CDAN1: variants seen among roughly 807,000 people sequenced by gnomAD.
CDAN1 encodes codanin 1, also known as codanin-1.
A neutral mutation model predicts 139.8 loss-of-function variants in CDAN1; 107 were observed. The observed-to-expected ratio is 0.77, with a 90% CI of 0.65 to 0.90. The LOEUF (loss-of-function observed/expected upper bound fraction) is 0.90. Among genes scored for constraint, CDAN1 ranks in the 40% least tolerant of loss-of-function variants. The pLI, the probability that CDAN1 is intolerant of heterozygous loss-of-function variation, is 0.00. For missense variants in CDAN1, 1,667 were observed against 1,575.7 expected (o/e 1.06, Z -0.98); for synonymous variants, 776 against 660.6 (o/e 1.17, Z -2.68).
At chr15:42,731,394 G>A in intron 11 of CDAN1, 63 bp from the exon 12 acceptor site, 1 of 1,606,598 alleles carries the variant, frequency 6.2e-7, no homozygotes, top group South Asian at 1.1e-5. Flanking sequence ...CCAGAATCGA[G>A]AAGGGGCACT....
chr15:42,725,272 AG>A (rs1375165812), intron 26 of CDAN1, 21 bp from the exon 27 acceptor site: 2 of 1,607,858 alleles, frequency 1.2e-6, no homozygotes. Context: ...CACCGAGGTC[AG>A]GGTTGCTAGG....
chr15:42,736,435 G>A lies in CDAN1; in HGVS notation c.436C>T (p.Pro146Ser), dbSNP rs748485724. ...LEEGVSGESL[P>S]GAGGRRLRGS... Reference sequence around the variant, plus strand: ...CTAAGCCTCCGGCCCCCGGCTCCGGGCAGGCTCTCCCCGCTGACCCCCTCC... The same window carrying A: ...CTAAGCCTCCGGCCCCCGGCTCCGGACAGGCTCTCCCCGCTGACCCCCTCC... The change falls in exon 2 of 28, where the codon CCC becomes TCC. Residue 146 changes from proline (P) to serine (S), a missense_variant. Pro to Ser is a moderately conservative substitution (Grantham distance 74). Transcript: ENST00000356231. 2 of 1,594,868 alleles carry A rather than the reference G, an allele frequency of 1.3e-6. No homozygotes were observed. Among genetic ancestry groups the A allele is most frequent in the Admixed American group, 1.7e-5 (1 of 58,082 alleles).
intron 14 of CDAN1, 110 bp downstream of exon 14, chr15:42,730,488 G>T: frequency 7.7e-7 from 1 of 1,306,808 alleles, no homozygotes. Context: ...GTTATGGCCA[G>T]GGCCCCACAC....
rs62020666 is a variant in CDAN1 at position 42,734,427 on chromosome 15, T to A, written c.1137-81A>T. ...GCAAGCACCTGCACACCACAGAGGA[T>A]CTCTAAGGCATGGCGCAGGTATGCA... On this transcript the variant is annotated intron_variant, in intron 6 of 27. Transcript: ENST00000356231. 134,593 of 1,569,128 alleles carry A rather than the reference T, an allele frequency of 0.086. 6,698 individuals carry two copies. The highest frequency in any genetic ancestry group is 0.1 in the Middle Eastern group (583 of 5,756).
Position 42,737,027 on chromosome 15 carries a change from T to G in CDAN1, c.76A>C (p.Thr26Pro), listed in dbSNP as rs1185226385. The G allele has an allele frequency of 6.5e-7, 1 of 1,546,398 alleles. No individual in the cohort carries two copies. Among genetic ancestry groups the G allele is most frequent in the Non-Finnish European group, 8.7e-7 (1 of 1,144,438 alleles). ...ACCGCTGTTACCTCCGAACCCTGGG[T>G]GCTGCGCGCGATCCACCGCACGACG... ...AAVVRWIARS[T>P]QGSEDNAGEA... The change falls in exon 1 of 28, where the codon ACC becomes CCC. Residue 26 changes from threonine (T) to proline (P), a missense_variant. This residue lies in a region of CDAN1 where 487 missense variants were observed against 422.2 expected (regional missense o/e 1.15). Coordinates refer to ENST00000356231, the MANE Select transcript of CDAN1 (RefSeq NM_138477.4).
chr15:42,729,939 C>T (rs2061586928), intron 15 of CDAN1, 54 bp from the exon 16 acceptor site: 4 of 1,380,528 alleles, frequency 2.9e-6, no homozygotes, highest in Non-Finnish European at 4.0e-6. Context: ...CCCAACCCAC[C>T]CCACCTCCTG....
intron 2 of CDAN1, 40 bp downstream of exon 2, chr15:42,736,262 C>G (rs1307407585): frequency 1.9e-6 from 3 of 1,611,928 alleles, no homozygotes; most frequent in Non-Finnish European, 2.5e-6. Context: ...TCCCCAGAGC[C>G]TTCGTGGTAC....
At chr15:42,725,122 T>G (rs2061505498) in intron 27 of CDAN1, 22 bp downstream of exon 27, 6 of 1,576,628 alleles carry the variant, frequency 3.8e-6, no homozygotes, top group Non-Finnish European at 5.2e-6. Flanking sequence ...TCTCTCCACC[T>G]AAAAGACAGG....
At chr15:42,732,958 A>C in intron 9 of CDAN1, 139 bp downstream of exon 9, 1 of 743,218 alleles carries the variant, frequency 1.3e-6, no homozygotes, top group Non-Finnish European at 2.4e-6. Flanking sequence ...CAATAACTAA[A>C]GAGATTTCGG....
intron 7 of CDAN1, 39 bp downstream of exon 7, chr15:42,734,187 T>TA: frequency 6.2e-7 from 1 of 1,613,992 alleles, no homozygotes; most frequent in Non-Finnish European, 8.5e-7. Context: ...TAGGAAGGGT[T>TA]AGGTCCAGGC....
At chr15:42,732,209 C>G in intron 10 of CDAN1, 124 bp downstream of exon 10, 1 of 951,782 alleles carries the variant, frequency 1.1e-6, no homozygotes, top group South Asian at 1.3e-5. Flanking sequence ...AGGAGTAGAA[C>G]TCTTGTTCAA....
At chr15:42,733,214 G>A (rs1438405780) in intron 8 of CDAN1, 28 bp from the exon 9 acceptor site, 23 of 1,593,776 alleles carry the variant, frequency 1.4e-5, no homozygotes, top group Middle Eastern at 1.7e-4. Flanking sequence ...CTGATCAGCC[G>A]AGGCACTCAC....
intron 9 of CDAN1, 85 bp from the exon 10 acceptor site, chr15:42,732,493 C>T: frequency 7.7e-7 from 1 of 1,291,816 alleles, no homozygotes; most frequent in East Asian, 2.3e-5. Flanking sequence ...CCCTGGACTT[C>T]CCAGCCGTTT....
At position 42,733,926 on chromosome 15, in the gene CDAN1, T is replaced by A. The variant is rs374631952; in HGVS notation, c.1367+12A>T. On this transcript the variant is annotated intron_variant, in intron 8 of 27. Transcript: ENST00000356231. ...TCTCATTCCCTCCCCAAAAAGTCCC[T>A]TTTCTTATCACCTCTGTTTCTTAAA... is the stretch of plus-strand genomic sequence containing the variant. 1.3e-5 allele frequency: 21 copies of A among 1,595,154 alleles called. No individual in the cohort carries two copies. The highest frequency in any genetic ancestry group is 1.7e-5 in the Non-Finnish European group (20 of 1,162,932).
At chr15:42,732,537 G>A in intron 9 of CDAN1, 129 bp from the exon 10 acceptor site, 5 of 802,910 alleles carry the variant, frequency 6.2e-6, no homozygotes, top group East Asian at 5.2e-5. Context: ...GCCAGAGCCA[G>A]CCTGCAAAGG....
At chr15:42,736,231 C>G in intron 2 of CDAN1, 71 bp downstream of exon 2, 1 of 1,597,232 alleles carries the variant, frequency 6.3e-7, no homozygotes, top group Non-Finnish European at 8.5e-7. Flanking sequence ...CACTGCGGAG[C>G]GCCGAGCTCG....
At position 42,736,304 on chromosome 15, in the gene CDAN1, T is replaced by G; in HGVS notation, c.567A>C (p.Thr189=). The G allele has an allele frequency of 1.2e-6, 2 of 1,613,564 alleles. No homozygotes were observed. Among genetic ancestry groups the G allele is most frequent in the Non-Finnish European group, 1.7e-6 (2 of 1,179,904 alleles). ...PPVGSVPPGP[T]GTKPSRRINP... ...CCTGCATGAGAGCTGAGTCTCACCC[T>G]GTAGGGCCGGGGGGAACCGAGCCTA... The change falls in exon 2 of 28, where the codon ACA becomes ACC. Residue 189 remains threonine, a splice_region_variant and synonymous_variant. Coordinates refer to ENST00000356231, the MANE Select transcript of CDAN1 (RefSeq NM_138477.4).
chr15:42,729,469 T>C (rs2061579970), intron 17 of CDAN1, 99 bp downstream of exon 17: 3 of 1,599,266 alleles, frequency 1.9e-6, no homozygotes, highest in Non-Finnish European at 2.6e-6. Context: ...GGAATGACTA[T>C]GAACGGAGCA....
In CDAN1 at chr15:42,734,365, C is replaced by G. The variant is rs1342568253; in HGVS notation, c.1137-19G>C. 1 of 1,613,890 alleles carries G rather than the reference C, an allele frequency of 6.2e-7. No homozygotes were observed. The highest frequency in any genetic ancestry group is 8.5e-7 in the Non-Finnish European group (1 of 1,179,974). ...AAGAACCCTGCAGGGACAAGAGCAC[C>G]TATGACTGAGACCAGAACACAGACT... On this transcript the variant is annotated intron_variant, in intron 6 of 27. Transcript: ENST00000356231.
Sources: allele counts gnomAD v4.1 joint callset, GRCh38; gene constraint gnomAD v4.1.1; regional missense constraint gnomAD v4.1.1; transcripts MANE v1.5; gene names NCBI Gene and HGNC (gene_info 2026-07-23, HGNC 2026-07-21).